FOXN3: variants seen among roughly 807,000 people sequenced by gnomAD.
FOXN3 encodes the protein forkhead box N3.
A neutral mutation model predicts 38.4 loss-of-function variants in FOXN3; 7 were observed. That is an observed-to-expected ratio of 0.18 (90% CI 0.10 to 0.34). The LOEUF (loss-of-function observed/expected upper bound fraction) is 0.34. Among genes scored for constraint, FOXN3 ranks in the 10% least tolerant of loss-of-function variants. FOXN3 has a pLI of 1.00. For synonymous variants in FOXN3, 230 were observed against 242.2 expected, an observed-to-expected ratio of 0.95 and a Z score of 0.47; for missense variants, 456 against 613.4, an observed-to-expected ratio of 0.74 and a Z score of 2.71.
rs144997804 is a variant in FOXN3, at chr14:89,582,665, C to T, written c.-15+36363G>A. ...CAGCTTTATTGGGATATTATTCACA[C>T]ATTTAAAGAATGCAATTTGATAGGT... On this transcript the variant is annotated intron_variant, in intron 1 of 6. Coordinates refer to the FOXN3 transcript ENST00000345097. Among the ~76,000 whole-genome samples the T allele has an allele frequency of 1.7e-3, 259 of 152,096 alleles. 1 individual carries two copies. Among genetic ancestry groups the T allele is most frequent in the Middle Eastern group, 6.8e-3 (2 of 294 alleles).
intron 1 of FOXN3, among the ~76,000 whole-genome samples, chr14:89,528,994 T>C (rs1406546273): frequency 6.6e-6 from 1 of 152,190 alleles, no homozygotes; most frequent in Non-Finnish European, 1.5e-5. Flanking sequence ...ACTTTGAATA[T>C]GTGTAGTATA....
At chr14:89,575,341 T>C (rs1895587040) in intron 1 of FOXN3, among the ~76,000 whole-genome samples, 1 of 152,118 alleles carries the variant, frequency 6.6e-6, no homozygotes, top group Non-Finnish European at 1.5e-5. Context: ...ATGATAGAGA[T>C]GGCAGAAAGG....
At chr14:89,514,215 A>T (rs897521403) in intron 1 of FOXN3, among the ~76,000 whole-genome samples, 1 of 152,172 alleles carries the variant, frequency 6.6e-6, no homozygotes, top group African/African-American at 2.4e-5. Context: ...TGGGGAACCA[A>T]GCCTTCCACT....
At chr14:89,428,411 G>A (rs376924428) in intron 1 of FOXN3, among the ~76,000 whole-genome samples, 2 of 152,152 alleles carry the variant, frequency 1.3e-5, no homozygotes, top group African/African-American at 2.4e-5. Context: ...ATTGTGAGAC[G>A]TGACTGCATG....
intron 1 of FOXN3, among the ~76,000 whole-genome samples, chr14:89,514,269 A>C (rs1894158770): frequency 6.6e-6 from 1 of 152,198 alleles, no homozygotes; most frequent in African/African-American, 2.4e-5. Context: ...TTCTTGCCCC[A>C]GTCATGCTTC....
rs142614110 is a variant in FOXN3, at chr14:89,225,210, T to C, written c.746-44404A>G. Among the ~76,000 whole-genome samples, 1,062 of 144,412 alleles carry C rather than the reference T, an allele frequency of 7.4e-3. 6 individuals carry two copies. Among genetic ancestry groups the C allele is most frequent in the Non-Finnish European group, 0.01 (690 of 66,078 alleles). 94.7% of individuals were successfully genotyped at this position (144,412 alleles called of 152,430 possible). ...GTCCCAGCTACCTGGGAGGCTGAGG[T>C]AGGAGGATCACTTGGACCCAAGAGT... On this transcript the variant is annotated intron_variant, in intron 4 of 5. Coordinates refer to ENST00000557258, the MANE Select transcript of FOXN3 (RefSeq NM_005197.4).
At chr14:89,432,359 C>G (rs543565963) in intron 1 of FOXN3, among the ~76,000 whole-genome samples, 2 of 152,264 alleles carry the variant, frequency 1.3e-5, no homozygotes, top group East Asian at 3.9e-4. Flanking sequence ...TGAGGACATT[C>G]AAGGCGCTTG....
intron 2 of FOXN3, among the ~76,000 whole-genome samples, chr14:89,407,270 G>A (rs562858658): frequency 6.6e-6 from 1 of 152,168 alleles, no homozygotes; most frequent in Non-Finnish European, 1.5e-5. Context: ...ACAGGGAAGG[G>A]AATGAAAAAG....
At chr14:89,413,678 A>T (rs1891606111) in intron 1 of FOXN3, among the ~76,000 whole-genome samples, 1 of 34,076 alleles carries the variant, frequency 2.9e-5, no homozygotes, top group East Asian at 1.1e-3. Context: ...AATGGAAGAG[A>T]AGGGGGAAGG....
chr14:89,458,008 C>T (rs564149327), intron 1 of FOXN3, among the ~76,000 whole-genome samples: 8 of 121,676 alleles, frequency 6.6e-5, no homozygotes, highest in African/African-American at 2.0e-4. Flanking sequence ...CCAGCCTGAG[C>T]GATAAGAGCG....
intron 3 of FOXN3, among the ~76,000 whole-genome samples, chr14:89,340,204 G>C (rs1888577642): frequency 6.6e-6 from 1 of 152,120 alleles, no homozygotes; most frequent in East Asian, 1.9e-4. Flanking sequence ...TGCCCAAACT[G>C]GTTGGGGCGT....
chr14:89,348,913 G>A (rs957787809), intron 3 of FOXN3, among the ~76,000 whole-genome samples: 1 of 151,876 alleles, frequency 6.6e-6, no homozygotes, highest in African/African-American at 2.4e-5. Flanking sequence ...TGTTTCCCTC[G>A]GGGTCACATT....
intron 2 of FOXN3, among the ~76,000 whole-genome samples, chr14:89,379,092 G>A (rs1355291566): frequency 3.9e-5 from 6 of 152,188 alleles, no homozygotes; most frequent in South Asian, 2.1e-4. Context: ...AAGGGTTTTC[G>A]TGATACCCTG....
intron 1 of FOXN3, among the ~76,000 whole-genome samples, chr14:89,606,598 C>T (rs1669148816): frequency 6.6e-6 from 1 of 152,140 alleles, no homozygotes; most frequent in Admixed American, 6.5e-5. Context: ...GCCTGTAATC[C>T]CAGCACTTTG....
rs1048013665 is a variant in FOXN3 at position 89,612,139 on chromosome 14, G to A, written c.-15+6889C>T. Among the ~76,000 whole-genome samples, 13 of 152,094 alleles carry A rather than the reference G, an allele frequency of 8.5e-5. 1 individual carries two copies. Among genetic ancestry groups the A allele is most frequent in the Non-Finnish European group, 1.9e-4 (13 of 68,014 alleles). ...CGGGTACCAAAGAATGGGTGACTCTGGGAACACAGTTGCCTTGGTTTCTTC... is the reference window on the plus strand; with the variant it reads ...CGGGTACCAAAGAATGGGTGACTCTAGGAACACAGTTGCCTTGGTTTCTTC... On this transcript the variant is annotated intron_variant, in intron 1 of 6. Transcript: ENST00000345097.
At chr14:89,599,229 C>T (rs976587837) in intron 1 of FOXN3, among the ~76,000 whole-genome samples, 3 of 152,100 alleles carry the variant, frequency 2.0e-5, no homozygotes, top group African/African-American at 4.8e-5. Flanking sequence ...TTTTAAAGTA[C>T]AATTTACACA....
At chr14:89,241,421 C>T (rs1885136560) in intron 4 of FOXN3, among the ~76,000 whole-genome samples, 1 of 152,146 alleles carries the variant, frequency 6.6e-6, no homozygotes, top group Admixed American at 6.5e-5. Context: ...AACCCAAAGC[C>T]ACCATGGTGG....
intron 3 of FOXN3, among the ~76,000 whole-genome samples, chr14:89,303,625 AAGTG>A (rs1887288900): frequency 6.6e-6 from 1 of 152,188 alleles, no homozygotes; most frequent in African/African-American, 2.4e-5. Flanking sequence ...CATGGCTAGT[AAGTG>A]ACTCATGCTC....
At chr14:89,496,873 G>C (rs184475937) in intron 1 of FOXN3, among the ~76,000 whole-genome samples, 1 of 152,056 alleles carries the variant, frequency 6.6e-6, no homozygotes, top group African/African-American at 2.4e-5. Flanking sequence ...GTGGAACCAC[G>C]GAATATTTGC....
Sources: gnomAD v4.1 joint callset for allele counts (sites outside exome capture counted in the v4.1 genomes callset) on GRCh38, gnomAD v4.1.1 for gene constraint, MANE v1.5 for transcripts, NCBI Gene and HGNC (gene_info 2026-07-23, HGNC 2026-07-21) for gene names.